Variants in SNTG1 observed in about 807,000 individuals in gnomAD.
The protein encoded by SNTG1 is gamma-1-syntrophin.
In SNTG1, 39 loss-of-function variants were observed where a neutral mutation model predicts 74.7. That is an observed-to-expected ratio of 0.52 (90% CI 0.40 to 0.68). The LOEUF (loss-of-function observed/expected upper bound fraction) is 0.68. Among genes scored for constraint, SNTG1 ranks in the 30% least tolerant of loss-of-function variants. The pLI is 0.00. For synonymous variants in SNTG1, 254 were observed against 217.1 expected (o/e 1.17, Z -1.49); for missense variants, 685 against 609.5 (o/e 1.12, Z -1.30).
intron 11 of SNTG1, 102 bp from the exon 12 acceptor site, chr8:50,552,948 T>G (rs1192622373): frequency 2.9e-6 from 4 of 1,400,154 alleles, no homozygotes; most frequent in Non-Finnish European, 2.9e-6. Flanking sequence ...GAGGCTGATA[T>G]TTATATTGTA....
intron 2 of SNTG1, among the ~76,000 whole-genome samples, chr8:50,175,617 G>T (rs2082970128): frequency 6.6e-6 from 1 of 152,108 alleles, no homozygotes; most frequent in African/African-American, 2.4e-5. Flanking sequence ...CACTACCATT[G>T]TGCAAAGGTT....
At chr8:50,685,854 A>T (rs993995768) in intron 15 of SNTG1, among the ~76,000 whole-genome samples, 2 of 152,240 alleles carry the variant, frequency 1.3e-5, no homozygotes, top group Admixed American at 1.3e-4. Context: ...TTCAGTGTTA[A>T]TACTGTTAGC....
chr8:50,443,001 AT>A (rs1433959038), intron 5 of SNTG1, among the ~76,000 whole-genome samples: 2 of 152,112 alleles, frequency 1.3e-5, no homozygotes, highest in Non-Finnish European at 2.9e-5. Flanking sequence ...TCAAGTGCCC[AT>A]CCTCTGGGCT....
intron 1 of SNTG1, among the ~76,000 whole-genome samples, chr8:50,096,964 T>G (rs1191063975): frequency 1.3e-5 from 2 of 151,774 alleles, no homozygotes; most frequent in South Asian, 2.1e-4. Context: ...CTAAAACTTT[T>G]TATTATTATT....
At chr8:50,262,371 G>A (rs1181792906) in intron 2 of SNTG1, among the ~76,000 whole-genome samples, 1 of 152,108 alleles carries the variant, frequency 6.6e-6, no homozygotes, top group Non-Finnish European at 1.5e-5. Context: ...ATTATAAACA[G>A]TAAATCAAGA....
chr8:50,404,501 T>C (rs1488131495), intron 4 of SNTG1, among the ~76,000 whole-genome samples: 1 of 152,078 alleles, frequency 6.6e-6, no homozygotes, highest in Non-Finnish European at 1.5e-5. Flanking sequence ...TTCTACCTGA[T>C]TTCAGCGCTT....
intron 2 of SNTG1, among the ~76,000 whole-genome samples, chr8:50,272,380 G>A (rs2130300417): frequency 6.6e-6 from 1 of 152,262 alleles, no homozygotes; most frequent in Admixed American, 6.5e-5. Flanking sequence ...TTTCATGCCT[G>A]CAACTTTCTG....
intron 1 of SNTG1, among the ~76,000 whole-genome samples, chr8:49,983,134 C>T (rs535976347): frequency 6.6e-6 from 1 of 152,186 alleles, no homozygotes; most frequent in South Asian, 2.1e-4. Flanking sequence ...AAGTGTTATG[C>T]CATAGTTATG....
At chr8:50,010,229 A>T (rs1377608370) in intron 1 of SNTG1, among the ~76,000 whole-genome samples, 3 of 152,180 alleles carry the variant, frequency 2.0e-5, no homozygotes, top group African/African-American at 7.2e-5. Context: ...GTGTTCAATT[A>T]TACCAGGCAG....
chr8:50,679,961 G>A (rs542742787), intron 15 of SNTG1, among the ~76,000 whole-genome samples: 2 of 152,228 alleles, frequency 1.3e-5, no homozygotes, highest in South Asian at 2.1e-4. Flanking sequence ...CTGTATTTGG[G>A]CAAGGGGACC....
intron 1 of SNTG1, among the ~76,000 whole-genome samples, chr8:50,148,749 A>G (rs535030169): frequency 6.6e-6 from 1 of 152,324 alleles, no homozygotes; most frequent in Admixed American, 6.5e-5. Context: ...TTATGGATGC[A>G]TAGTATTCCA....
At chr8:49,989,131 T>A (rs1054636027) in intron 1 of SNTG1, among the ~76,000 whole-genome samples, 1 of 151,898 alleles carries the variant, frequency 6.6e-6, no homozygotes, top group Non-Finnish European at 1.5e-5. Context: ...AAATGTAAAG[T>A]AGAAGATATA....
chr8:50,469,706 T>G (rs1240212953), intron 8 of SNTG1, among the ~76,000 whole-genome samples: 1 of 152,116 alleles, frequency 6.6e-6, no homozygotes, highest in Admixed American at 6.6e-5. Flanking sequence ...ATTGCAGGCA[T>G]GGTGGCTCAC....
At chr8:50,153,662 G>C (rs991791217) in intron 1 of SNTG1, among the ~76,000 whole-genome samples, 4 of 152,174 alleles carry the variant, frequency 2.6e-5, no homozygotes, top group Non-Finnish European at 5.9e-5. Flanking sequence ...GTTTGCTGGA[G>C]GTCCACTCCA....
chr8:50,481,383 AAACAACAAC>A (rs201369630), intron 8 of SNTG1, among the ~76,000 whole-genome samples: 2 of 152,120 alleles, frequency 1.3e-5, no homozygotes, highest in African/African-American at 4.8e-5. Context: ...TCCATCTCAA[AAACAACAAC>A]AACAACAACA....
intron 12 of SNTG1, among the ~76,000 whole-genome samples, chr8:50,580,907 T>G (rs2094606341): frequency 6.6e-6 from 1 of 151,894 alleles, no homozygotes; most frequent in Non-Finnish European, 1.5e-5. Flanking sequence ...CATCCTAGAG[T>G]TCATACATAC....
chr8:50,646,413 C>A (rs2095109434), intron 13 of SNTG1, among the ~76,000 whole-genome samples: 1 of 152,118 alleles, frequency 6.6e-6, no homozygotes, highest in Non-Finnish European at 1.5e-5. Context: ...GCTGATGTTG[C>A]TGGACTGGAA....
chr8:50,245,365 A>T (rs2086350047), intron 2 of SNTG1, among the ~76,000 whole-genome samples: 1 of 152,076 alleles, frequency 6.6e-6, no homozygotes, highest in Admixed American at 6.5e-5. Flanking sequence ...CATGGTATGG[A>T]GGGAGGAGCA....
chr8:50,434,598 G>A (rs540702561), intron 4 of SNTG1, among the ~76,000 whole-genome samples: 140 of 152,210 alleles, frequency 9.2e-4, no homozygotes, highest in Admixed American at 1.7e-3. Flanking sequence ...GTGTGAGATG[G>A]TATATCATTG....
Sources: gnomAD v4.1 joint callset for allele counts (sites outside exome capture counted in the v4.1 genomes callset) on GRCh38, gnomAD v4.1.1 for gene constraint, MANE v1.5 for transcripts, NCBI Gene and HGNC (gene_info 2026-07-23, HGNC 2026-07-21) for gene names.